Variants in COBL observed in about 807,000 individuals in gnomAD.
COBL encodes protein cordon-bleu.
A neutral mutation model predicts 98.8 loss-of-function variants in COBL; 51 were observed. That is an observed-to-expected ratio of 0.52 (90% CI 0.41 to 0.65). The LOEUF (loss-of-function observed/expected upper bound fraction) is 0.65. Ranked by LOEUF, COBL falls within the 30% of genes least tolerant of loss-of-function variation. The pLI, the probability that COBL is intolerant of heterozygous loss-of-function variation, is 0.00. For synonymous variants in COBL, 634 were observed against 651.7 expected (o/e 0.97, Z 0.41); for missense variants, 1,617 against 1,617.5 (o/e 1.00, Z 0.01).
intron 1 of COBL, among the ~76,000 whole-genome samples, chr7:51,235,065 C>T (rs1308520879): frequency 6.6e-6 from 1 of 152,202 alleles, no homozygotes; most frequent in Non-Finnish European, 1.5e-5. Context: ...TCACAACGCT[C>T]ATGCCTGTTC....
At chr7:51,110,478 T>C (rs1316002409) in intron 6 of COBL, among the ~76,000 whole-genome samples, 2 of 152,260 alleles carry the variant, frequency 1.3e-5, no homozygotes, top group Non-Finnish European at 2.9e-5. Context: ...CTCTATTGTG[T>C]ATATATACCA....
At position 51,043,621 on chromosome 7, in the gene COBL, C is replaced by T. The variant is rs1159530090; in HGVS notation, c.1168G>A (p.Glu390Lys). The change falls in exon 8 of 13, where the codon GAG becomes AAG. Residue 390 changes from glutamate to lysine, a missense_variant. Glu to Lys is a moderately conservative substitution (Grantham distance 56). Coordinates refer to ENST00000265136, the MANE Select transcript of COBL (RefSeq NM_015198.5). ...AAACAGCTGCCAACTGACACGGTCT[C>T]CTCCGCCTCTGACAGCACCTGCGGG... The part of the protein sequence containing the change: ...GAPQVLSEAE[E>K]TVSVGSCFAS... The T allele has an allele frequency of 6.2e-7, 1 of 1,614,234 alleles. No individual in the cohort carries two copies. The highest frequency in any genetic ancestry group is 1.6e-4 in the Middle Eastern group (1 of 6,062).
chr7:51,067,855 C>A (rs1252285452), intron 7 of COBL, among the ~76,000 whole-genome samples: 1 of 152,228 alleles, frequency 6.6e-6, no homozygotes, highest in Non-Finnish European at 1.5e-5. Flanking sequence ...AATCAGGGTT[C>A]CCCCTGGTGG....
chr7:51,251,863 C>T (rs925033667), intron 1 of COBL, among the ~76,000 whole-genome samples: 1 of 150,420 alleles, frequency 6.6e-6, no homozygotes, highest in Admixed American at 6.6e-5. Context: ...CATGTGTATA[C>T]ACACACACAC....
chr7:51,203,602 T>C (rs1481091595), intron 2 of COBL, among the ~76,000 whole-genome samples: 1 of 144,308 alleles, frequency 6.9e-6, no homozygotes, highest in Non-Finnish European at 1.5e-5. Context: ...AAAAATACAC[T>C]AACAAATCAC....
intron 6 of COBL, among the ~76,000 whole-genome samples, chr7:51,131,638 G>C (rs1193669163): frequency 2.0e-5 from 3 of 150,540 alleles, no homozygotes; most frequent in East Asian, 1.9e-4. Context: ...CTTTCGCCCA[G>C]GCTAGAGTGC....
At position 51,245,666 on chromosome 7, in the gene COBL, A is replaced by C. The variant is rs567086039; in HGVS notation, c.42-25722T>G. On this transcript the variant is annotated intron_variant, in intron 1 of 12. Coordinates refer to ENST00000265136, the MANE Select transcript of COBL (RefSeq NM_015198.5). ...ACCATTTACAAGGTAATTCCTAGGG[A>C]GTCTATAACATAAATGATAGTACAG... Among the ~76,000 whole-genome samples, 5 of 152,370 alleles carry C rather than the reference A, an allele frequency of 3.3e-5. No homozygotes were observed. The South Asian group carries it at 1.0e-3, about 32-fold the overall frequency.
chr7:51,187,341 C>T (rs948810533), intron 4 of COBL, among the ~76,000 whole-genome samples: 6,410 of 145,260 alleles, frequency 0.044, 191 homozygotes, highest in Middle Eastern at 0.082. Context: ...TACACACACA[C>T]ACACACACAC....
At chr7:51,134,057 G>C (rs1021261299) in intron 6 of COBL, among the ~76,000 whole-genome samples, 1 of 152,176 alleles carries the variant, frequency 6.6e-6, no homozygotes, top group African/African-American at 2.4e-5. Flanking sequence ...ACTGGTGTTA[G>C]TAACAGTTGC....
chr7:51,021,315 T>A (rs898173067), intron 12 of COBL: 6 of 152,300 alleles, frequency 3.9e-5, no homozygotes, highest in Non-Finnish European at 7.4e-5. Flanking sequence ...TTTTACTTTT[T>A]TAAAAAAATT....
chr7:51,275,322 A>T (rs1489989298), intron 1 of COBL, among the ~76,000 whole-genome samples: 1 of 152,222 alleles, frequency 6.6e-6, no homozygotes, highest in Non-Finnish European at 1.5e-5. Flanking sequence ...AGTCCCCTCC[A>T]TCCTCCTGGT....
chr7:51,133,134 G>C (rs115982880), intron 6 of COBL, among the ~76,000 whole-genome samples: 2,615 of 152,216 alleles, frequency 0.017, 86 homozygotes, highest in African/African-American at 0.06. Context: ...TCTCTACACA[G>C]CACGATGGTG....
At chr7:51,050,917 A>G (rs886095131) in intron 7 of COBL, among the ~76,000 whole-genome samples, 1 of 152,348 alleles carries the variant, frequency 6.6e-6, no homozygotes, top group East Asian at 1.9e-4. Context: ...TTTTGCACAT[A>G]TATCTATGTA....
intron 1 of COBL, among the ~76,000 whole-genome samples, chr7:51,284,407 G>C (rs1800118851): frequency 6.6e-6 from 1 of 151,980 alleles, no homozygotes; most frequent in Non-Finnish European, 1.5e-5. Flanking sequence ...TCACCATACT[G>C]ACAGTTTAAA....
intron 2 of COBL, among the ~76,000 whole-genome samples, chr7:51,202,556 A>C (rs1454295672): frequency 1.3e-5 from 2 of 152,222 alleles, no homozygotes; most frequent in Admixed American, 1.3e-4. Context: ...CCCCACAGAA[A>C]GGGAGGACTA....
intron 1 of COBL, among the ~76,000 whole-genome samples, chr7:51,236,311 G>C (rs1795256459): frequency 6.6e-6 from 1 of 152,178 alleles, no homozygotes; most frequent in South Asian, 2.1e-4. Context: ...CAGGCACTGG[G>C]CAGAAATGAG....
intron 7 of COBL, among the ~76,000 whole-genome samples, chr7:51,074,309 C>A (rs1226135497): frequency 6.7e-6 from 1 of 149,174 alleles, no homozygotes; most frequent in Non-Finnish European, 1.5e-5. Flanking sequence ...GATTCTCCTG[C>A]CTTTGCCTCC....
At chr7:51,264,462 G>T (rs146469406) in intron 1 of COBL, among the ~76,000 whole-genome samples, 1 of 152,012 alleles carries the variant, frequency 6.6e-6, no homozygotes, top group African/African-American at 2.4e-5. Context: ...CCTGAGGTGA[G>T]GAGTTCGAGA....
intron 1 of COBL, among the ~76,000 whole-genome samples, chr7:51,255,060 A>G (rs140287281): frequency 6.6e-6 from 1 of 152,370 alleles, no homozygotes; most frequent in East Asian, 1.9e-4. Flanking sequence ...GCTAAGTCAC[A>G]CTAAACACTA....
Sources: allele counts gnomAD v4.1 joint callset (sites outside exome capture counted in the v4.1 genomes callset), GRCh38; gene constraint gnomAD v4.1.1; transcripts MANE v1.5; gene names NCBI Gene and HGNC (gene_info 2026-07-23, HGNC 2026-07-21).